Variants in FILIP1 observed in about 807,000 individuals in gnomAD.
The protein encoded by FILIP1 is filamin-A-interacting protein 1.
Under a neutral mutation model 102.1 loss-of-function variants are expected in FILIP1, and 61 were observed. The observed-to-expected ratio is 0.60, with a 90% confidence interval of 0.49 to 0.74. FILIP1 has a LOEUF of 0.74. Ranked by LOEUF, FILIP1 falls within the 30% of genes least tolerant of loss-of-function variation. The pLI, the probability that FILIP1 is intolerant of heterozygous loss-of-function variation, is 0.00. For missense variants in FILIP1, 1,314 were observed against 1,441.2 expected (o/e 0.91, Z 1.43); for synonymous variants, 491 against 526.9 (o/e 0.93, Z 0.93).
chr6:75,314,760 C>T lies in FILIP1; in HGVS notation c.1072G>A (p.Glu358Lys), dbSNP rs753025702. 6 of 1,614,148 alleles carry T rather than the reference C, an allele frequency of 3.7e-6. 1 individual carries two copies. The South Asian group carries it at 6.6e-5, about 18-fold the overall frequency. Residue 358 changes from glutamate to lysine, a missense_variant, in exon 5 of 6, where the codon GAA becomes AAA. Coordinates refer to ENST00000237172, the MANE Select transcript of FILIP1 (RefSeq NM_015687.5). ...ATTTTATCTCTTAATTCTTGAAGTT[C>T]TTCCTCTGCCTTCTGCAGATTTTTG... ...TNKNLQKAEE[E>K]LQELRDKIAK...
At chr6:75,347,397 A>G (rs1774626634) in intron 4 of FILIP1, among the ~76,000 whole-genome samples, 1 of 152,368 alleles carries the variant, frequency 6.6e-6, no homozygotes, top group African/African-American at 2.4e-5. Context: ...CAGAGTGCTA[A>G]TCACAAAGAA....
At chr6:75,475,449 T>G (rs1199912706) in intron 1 of FILIP1, among the ~76,000 whole-genome samples, 1 of 152,190 alleles carries the variant, frequency 6.6e-6, no homozygotes, top group East Asian at 1.9e-4. Context: ...CATCCCTTGT[T>G]CCACCATTCC....
At chr6:75,476,100 G>A (rs1041080915) in intron 1 of FILIP1, among the ~76,000 whole-genome samples, 1 of 152,118 alleles carries the variant, frequency 6.6e-6, no homozygotes, top group Non-Finnish European at 1.5e-5. Context: ...AATTAGCTGG[G>A]TGTGGTGGCA....
intron 3 of FILIP1, among the ~76,000 whole-genome samples, chr6:75,359,129 C>A (rs1775098609): frequency 6.6e-6 from 1 of 152,156 alleles, no homozygotes; most frequent in Non-Finnish European, 1.5e-5. Flanking sequence ...CTTCAGCCTC[C>A]CAAGTAGCTG....
At chr6:75,296,569 G>C (rs548943395) in intron 6 of FILIP1, 1 of 149,108 alleles carries the variant, frequency 6.7e-6, no homozygotes, top group Non-Finnish European at 1.5e-5. Flanking sequence ...ACGCGATCTC[G>C]GCTCACCGCA....
intron 1 of FILIP1, among the ~76,000 whole-genome samples, chr6:75,415,533 G>GAAA (rs34828375): frequency 8.9e-5 from 7 of 78,752 alleles, no homozygotes; most frequent in African/African-American, 1.5e-4. Flanking sequence ...TCACAGTGTG[G>GAAA]AAAAAAAAAA....
chr6:75,432,528 C>G (rs1025620029), intron 1 of FILIP1, among the ~76,000 whole-genome samples: 1 of 152,104 alleles, frequency 6.6e-6, no homozygotes, highest in Non-Finnish European at 1.5e-5. Flanking sequence ...ATTTCCAAGT[C>G]AACTTTTATT....
At chr6:75,312,296 T>C (rs1773217784) in intron 5 of FILIP1, 101 bp downstream of exon 5, 2 of 1,146,636 alleles carry the variant, frequency 1.7e-6, no homozygotes, top group Non-Finnish European at 1.2e-6. Flanking sequence ...TCAGGTAGCA[T>C]GAGAAGCATG....
chr6:75,325,456 A>G (rs113654911), intron 4 of FILIP1, among the ~76,000 whole-genome samples: 3,577 of 152,306 alleles, frequency 0.023, 153 homozygotes, highest in African/African-American at 0.081. Flanking sequence ...CAGAGTAAAC[A>G]TCCCACAGAG....
At chr6:75,417,521 C>T (rs142520215) in intron 1 of FILIP1, among the ~76,000 whole-genome samples, 11 of 152,208 alleles carry the variant, frequency 7.2e-5, no homozygotes, top group African/African-American at 2.6e-4. Flanking sequence ...GGGAAAACAT[C>T]CAAGCAATAA....
At chr6:75,340,791 G>T (rs1373600250) in intron 4 of FILIP1, among the ~76,000 whole-genome samples, 1 of 151,466 alleles carries the variant, frequency 6.6e-6, no homozygotes, top group Non-Finnish European at 1.5e-5. Context: ...TGCCTCCCGG[G>T]TTCAAGCAAT....
chr6:75,424,965 G>T (rs1777583011), intron 1 of FILIP1, among the ~76,000 whole-genome samples: 1 of 152,006 alleles, frequency 6.6e-6, no homozygotes, highest in African/African-American at 2.4e-5. Flanking sequence ...TAACATAAAA[G>T]AATAACTTAA....
rs770772524 is a variant in FILIP1 at position 75,308,643 on chromosome 6, T to G, written c.*48A>C. 1 of 1,604,954 alleles carries G rather than the reference T, an allele frequency of 6.2e-7. No homozygotes were observed. Among genetic ancestry groups the G allele is most frequent in the Admixed American group, 1.7e-5 (1 of 59,748 alleles). On this transcript the variant is annotated 3_prime_UTR_variant, in exon 6 of 6. Transcript: ENST00000237172. ...GGCACAAACAGATGAAGGTTCACTTTCACGGCAGCAGTAGCATCTGCACAA... is the reference window on the plus strand; with the variant it reads ...GGCACAAACAGATGAAGGTTCACTTGCACGGCAGCAGTAGCATCTGCACAA...
chr6:75,446,744 G>A lies in FILIP1; in HGVS notation c.-6-31766C>T, dbSNP rs898212436. 1.4e-4 allele frequency among the ~76,000 whole-genome samples: 21 copies of A among 152,228 alleles called. No homozygotes were observed. In the East Asian group the frequency reaches 3.7e-3, roughly 27 times the overall value. On this transcript the variant is annotated intron_variant, in intron 1 of 5. Coordinates refer to ENST00000237172, the MANE Select transcript of FILIP1 (RefSeq NM_015687.5). ...GCCCCAGTTCACCTGGGAAAATGAT[G>A]ACTCTTTCATTACATCTGAGCCAAG...
At chr6:75,402,866 T>C (rs1461027144) in intron 2 of FILIP1, among the ~76,000 whole-genome samples, 1 of 152,198 alleles carries the variant, frequency 6.6e-6, no homozygotes, top group Non-Finnish European at 1.5e-5. Flanking sequence ...TAATTCAGTG[T>C]TTTGCAGATG....
At position 75,308,646 on chromosome 6, in the gene FILIP1, C is replaced by T. The variant is rs376160760; in HGVS notation, c.*45G>A. ...ACAAACAGATGAAGGTTCACTTTCA[C>T]GGCAGCAGTAGCATCTGCACAACAT... On this transcript the variant is annotated 3_prime_UTR_variant, in exon 6 of 6. Transcript: ENST00000237172. 24 of 1,604,806 alleles carry T rather than the reference C, an allele frequency of 1.5e-5. No homozygotes were observed. Among genetic ancestry groups the T allele is most frequent in the South Asian group, 6.6e-5 (6 of 90,596 alleles).
At chr6:75,444,105 T>G (rs903485181) in intron 1 of FILIP1, among the ~76,000 whole-genome samples, 3 of 152,192 alleles carry the variant, frequency 2.0e-5, no homozygotes, top group Non-Finnish European at 4.4e-5. Context: ...TGATGGTCAA[T>G]CCAATTTTAC....
exon 7 of FILIP1, chr6:75,295,008 T>C (rs1027269783): frequency 2.0e-5 from 3 of 151,936 alleles, no homozygotes; most frequent in Non-Finnish European, 4.4e-5. Flanking sequence ...CCCAGTCTTA[T>C]TTTTTAAAAA....
intron 2 of FILIP1, among the ~76,000 whole-genome samples, chr6:75,363,761 C>T (rs1188742270): frequency 6.6e-6 from 1 of 152,150 alleles, no homozygotes; most frequent in African/African-American, 2.4e-5. Context: ...AATGTATTTC[C>T]ATATGGGGAC....
Sources: gnomAD v4.1 joint callset for allele counts (sites outside exome capture counted in the v4.1 genomes callset) on GRCh38, gnomAD v4.1.1 for gene constraint, MANE v1.5 for transcripts, NCBI Gene and HGNC (gene_info 2026-07-23, HGNC 2026-07-21) for gene names.